TAB1: variants seen among roughly 807,000 people sequenced by gnomAD.
TAB1 encodes the protein TGF-beta-activated kinase 1 and MAP3K7-binding protein 1.
Under a neutral mutation model 54.5 loss-of-function variants are expected in TAB1, and 30 were observed. The ratio of observed to expected loss-of-function variants is 0.55; its 90% CI spans 0.41 to 0.75. TAB1 has a LOEUF of 0.75. Among genes scored for constraint, TAB1 ranks in the 30% least tolerant of loss-of-function variants. The pLI is 0.00. For missense variants in TAB1, 609 were observed against 683.2 expected (o/e 0.89, Z 1.21); for synonymous variants, 289 against 286.9 (o/e 1.01, Z -0.07).
rs749411489 is a variant in TAB1, at chr22:39,421,811, C to T, written c.777-16C>T. ...CTGTTCCAAGCAAAGCTCTTCCTTCCACTCTCTCCCCATAGCGCTGCCAAG... is the reference window on the plus strand; with the variant it reads ...CTGTTCCAAGCAAAGCTCTTCCTTCTACTCTCTCCCCATAGCGCTGCCAAG... On this transcript the variant is annotated splice_polypyrimidine_tract_variant and intron_variant, in intron 7 of 10. Coordinates refer to ENST00000216160, the MANE Select transcript of TAB1 (RefSeq NM_006116.3). 6.2e-7 allele frequency: 1 copy of T among 1,613,896 alleles called. No homozygotes were observed. The highest frequency in any genetic ancestry group is 1.1e-5 in the South Asian group (1 of 91,072).
rs373133586 is a variant in TAB1 at position 39,426,943 on chromosome 22, A to G, written c.1144+18A>G. 2.6e-4 allele frequency: 416 copies of G among 1,603,114 alleles called. 3 individuals are homozygous for G. The Middle Eastern group carries it at 3.3e-3, about 13-fold the overall frequency. On this transcript the variant is annotated intron_variant, in intron 9 of 10. Transcript: ENST00000216160. ...AGCCCCAGGTACGTGTGCTGTGCAG[A>G]CAGGCAGTGCCTGGGGATGCCATCT...
chr22:39,413,871 G>C (rs899731029), intron 1 of TAB1, among the ~76,000 whole-genome samples: 3 of 152,198 alleles, frequency 2.0e-5, no homozygotes, highest in African/African-American at 7.2e-5. Flanking sequence ...AAGCTTTCAG[G>C]GAGAGGCAGG....
chr22:39,426,609 A>T, intron 8 of TAB1, 94 bp from the exon 9 acceptor site: 1 of 1,169,432 alleles, frequency 8.6e-7, no homozygotes, highest in Non-Finnish European at 1.2e-6. Flanking sequence ...GCTGTTGACC[A>T]CTGAATCTCC....
At chr22:39,429,843 CT>C in intron 10 of TAB1, 171 bp from the exon 11 acceptor site, 1 of 985,430 alleles carries the variant, frequency 1.0e-6, no homozygotes, top group Non-Finnish European at 1.2e-6. Context: ...TAAAATTTGA[CT>C]TTTTATCTGT....
At chr22:39,426,446 A>G (rs902705678) in intron 8 of TAB1, among the ~76,000 whole-genome samples, 19 of 151,102 alleles carry the variant, frequency 1.3e-4, no homozygotes, top group African/African-American at 4.7e-4. Flanking sequence ...AGTCAAATGG[A>G]TGTTCTCCCC....
downstream of TAB1, chr22:39,433,837 A>C: frequency 1.0e-6 from 1 of 984,814 alleles, no homozygotes; most frequent in Non-Finnish European, 1.2e-6. Context: ...CTCAGGTCTT[A>C]GCACAGATGC....
chr22:39,426,319 C>T (rs1387937271), intron 8 of TAB1, among the ~76,000 whole-genome samples: 1 of 152,218 alleles, frequency 6.6e-6, no homozygotes, highest in East Asian at 1.9e-4. Context: ...TATAACATCG[C>T]CTACAACAAG....
intron 9 of TAB1, 56 bp from the exon 10 acceptor site, chr22:39,427,965 T>C: frequency 6.7e-7 from 1 of 1,502,022 alleles, no homozygotes; most frequent in Non-Finnish European, 9.0e-7. Flanking sequence ...ATGCCCCTGC[T>C]ACCCTGGGTT....
intron 9 of TAB1, 46 bp from the exon 10 acceptor site, chr22:39,427,975 T>C: frequency 6.5e-7 from 1 of 1,526,808 alleles, no homozygotes. Flanking sequence ...TACCCTGGGT[T>C]TCTCCTCAGC....
intron 1 of TAB1, among the ~76,000 whole-genome samples, chr22:39,410,077 A>G (rs1199353041): frequency 6.6e-6 from 1 of 152,144 alleles, no homozygotes; most frequent in Non-Finnish European, 1.5e-5. Context: ...CAAGATTAGA[A>G]CTAGACCCAA....
chr22:39,418,588 A>G (rs1926937579), intron 5 of TAB1, 144 bp from the exon 6 acceptor site: 2 of 634,040 alleles, frequency 3.2e-6, no homozygotes, highest in Non-Finnish European at 5.8e-6. Flanking sequence ...CTAACTGGTG[A>G]CTCACCCCGT....
intron 8 of TAB1, among the ~76,000 whole-genome samples, chr22:39,422,542 G>C (rs1407666652): frequency 2.0e-5 from 3 of 151,634 alleles, no homozygotes; most frequent in African/African-American, 7.3e-5. Flanking sequence ...CAAGTAGCTG[G>C]GATTACAGGT....
chr22:39,421,365 CAT>C (rs1300057933), intron 7 of TAB1, among the ~76,000 whole-genome samples: 2 of 152,214 alleles, frequency 1.3e-5, no homozygotes, highest in Admixed American at 6.5e-5. Context: ...TGTGCACACA[CAT>C]GTGTTGGCAT....
intron 1 of TAB1, among the ~76,000 whole-genome samples, chr22:39,400,157 C>T (rs1170472441): frequency 2.6e-5 from 4 of 152,194 alleles, no homozygotes; most frequent in Non-Finnish European, 5.9e-5. Flanking sequence ...ACTGCGACAC[C>T]GAGCAGACGT....
intron 1 of TAB1, among the ~76,000 whole-genome samples, chr22:39,411,107 GA>G (rs1057220064): frequency 9.5e-5 from 14 of 146,892 alleles, no homozygotes; most frequent in African/African-American, 2.0e-4. Flanking sequence ...ATATTGGAAT[GA>G]AAAAAAAAAT....
At chr22:39,419,687 C>T in intron 7 of TAB1, 57 bp downstream of exon 7, 1 of 1,258,920 alleles carries the variant, frequency 7.9e-7, no homozygotes, top group Non-Finnish European at 1.1e-6. Context: ...CCTAGGGAGG[C>T]CAAGATGGGA....
At chr22:39,427,944 A>G (rs910574810) in intron 9 of TAB1, 77 bp from the exon 10 acceptor site, 3 of 1,379,528 alleles carry the variant, frequency 2.2e-6, no homozygotes, top group Non-Finnish European at 3.0e-6. Flanking sequence ...CCATCAGGCC[A>G]TGGAGCAGCT....
intron 1 of TAB1, among the ~76,000 whole-genome samples, chr22:39,400,545 C>T (rs572693875): frequency 1.3e-5 from 2 of 152,234 alleles, no homozygotes; most frequent in East Asian, 3.8e-4. Context: ...CTCATCCCTA[C>T]CCCCGGTCTG....
intron 1 of TAB1, among the ~76,000 whole-genome samples, chr22:39,412,633 GA>G (rs949220736): frequency 7.9e-5 from 12 of 151,910 alleles, no homozygotes; most frequent in African/African-American, 2.2e-4. Flanking sequence ...CCAATTATAT[GA>G]AAAAAAGTGA....
Sources: allele counts gnomAD v4.1 joint callset (sites outside exome capture counted in the v4.1 genomes callset), GRCh38; gene constraint gnomAD v4.1.1; transcripts MANE v1.5; gene names NCBI Gene and HGNC (gene_info 2026-07-23, HGNC 2026-07-21).